PSME4: variants seen among roughly 807,000 people sequenced by gnomAD.
The protein encoded by PSME4 is proteasome activator complex subunit 4.
In PSME4, 89 loss-of-function variants were observed where a neutral mutation model predicts 253.9. That is an observed-to-expected ratio of 0.35 (90% CI 0.30 to 0.42). The LOEUF is 0.42. Among genes scored for constraint, PSME4 ranks in the 10% least tolerant of loss-of-function variants. The pLI, the probability that PSME4 is intolerant of heterozygous loss-of-function variation, is 1.00. For missense variants in PSME4, 2,014 were observed against 2,195.2 expected (o/e 0.92, Z 1.65); for synonymous variants, 851 against 759.2 (o/e 1.12, Z -1.99).
chr2:53,909,251 A>C (rs1270770233), intron 21 of PSME4, among the ~76,000 whole-genome samples: 1 of 152,162 alleles, frequency 6.6e-6, no homozygotes, highest in East Asian at 1.9e-4. Context: ...AAGCAATTAC[A>C]GCCTAGCAAT....
intron 36 of PSME4, 87 bp downstream of exon 36, chr2:53,892,721 A>G: frequency 8.4e-7 from 1 of 1,191,590 alleles, no homozygotes; most frequent in Non-Finnish European, 1.2e-6. Flanking sequence ...TATTTTAATT[A>G]TCAGTATCTA....
chr2:53,929,758 C>T (rs918542585), intron 10 of PSME4, among the ~76,000 whole-genome samples: 2 of 152,062 alleles, frequency 1.3e-5, no homozygotes, highest in African/African-American at 4.8e-5. Flanking sequence ...TGGCTCACAC[C>T]TGTAATCCCA....
chr2:53,947,487 C>T (rs1437554734), intron 3 of PSME4, among the ~76,000 whole-genome samples: 2 of 152,002 alleles, frequency 1.3e-5, no homozygotes, highest in East Asian at 1.9e-4. Flanking sequence ...AGGGGGATCA[C>T]GAGGTCAGGA....
At chr2:53,944,287 T>C (rs1669599709) in intron 3 of PSME4, among the ~76,000 whole-genome samples, 1 of 152,080 alleles carries the variant, frequency 6.6e-6, no homozygotes, top group Admixed American at 6.5e-5. Flanking sequence ...GCCTCCTGGG[T>C]AGCTGGGATT....
intron 12 of PSME4, among the ~76,000 whole-genome samples, 174 bp from the exon 13 acceptor site, chr2:53,926,197 C>T (rs1407852681): frequency 2.6e-5 from 4 of 152,170 alleles, no homozygotes; most frequent in African/African-American, 4.8e-5. Context: ...AGAACAACTT[C>T]ATCTACTACT....
chr2:53,885,988 G>A (rs974245965), intron 40 of PSME4, among the ~76,000 whole-genome samples: 5 of 152,256 alleles, frequency 3.3e-5, no homozygotes, highest in African/African-American at 1.2e-4. Context: ...TGCATAAAAA[G>A]ACATTATCCA....
intron 39 of PSME4, 140 bp from the exon 40 acceptor site, chr2:53,887,607 G>A: frequency 1.1e-6 from 1 of 917,230 alleles, no homozygotes; most frequent in East Asian, 2.6e-5. Flanking sequence ...GTGTGTAAAA[G>A]AAGCCTTATA....
chr2:53,928,051 T>TG lies in PSME4; in HGVS notation c.1503+65_1503+66insC, dbSNP rs542588715. 1.7e-3 allele frequency: 2,148 copies of TG among 1,297,728 alleles called. 55 individuals are homozygous for TG. The East Asian group carries it at 0.044, about 26-fold the overall frequency. The allele number at this position is 1,297,728 out of a possible 1,614,324, so 80.4% of individuals were successfully genotyped here. ...CTTATGCACAAACTTCTCCAACCTT[T>TG]TGTCACTGAGAAGTTTACTTTGCCT... On this transcript the variant is annotated intron_variant, in intron 11 of 46. Transcript: ENST00000404125.
At chr2:53,946,575 C>T (rs1669714998) in intron 3 of PSME4, among the ~76,000 whole-genome samples, 1 of 152,180 alleles carries the variant, frequency 6.6e-6, no homozygotes, top group South Asian at 2.1e-4. Context: ...ACAATCAAAG[C>T]TTTTGTATTC....
At chr2:53,954,270 G>C (rs991576898) in intron 1 of PSME4, among the ~76,000 whole-genome samples, 1 of 151,718 alleles carries the variant, frequency 6.6e-6, no homozygotes, top group Non-Finnish European at 1.5e-5. Context: ...AGAGGTTGCA[G>C]TGAGCCAAGA....
Position 53,871,962 on chromosome 2 carries a change from C to G in PSME4, c.5100+2377G>C, listed in dbSNP as rs577636577. Among the ~76,000 whole-genome samples, 3 of 152,122 alleles carry G rather than the reference C, an allele frequency of 2.0e-5. No individual in the cohort carries two copies. In the South Asian group the frequency reaches 6.2e-4, roughly 31 times the overall value. On this transcript the variant is annotated intron_variant, in intron 43 of 46. Coordinates refer to ENST00000404125, the MANE Select transcript of PSME4 (RefSeq NM_014614.3). ...CCAGGGGGCAGAGGTTGCAGTGAGC[C>G]GAGATCGCACCACTGCACTCCCGCC...
At chr2:53,917,787 G>A (rs529165839) in intron 20 of PSME4, among the ~76,000 whole-genome samples, 27 of 152,232 alleles carry the variant, frequency 1.8e-4, no homozygotes, top group African/African-American at 6.0e-4. Context: ...GGTGAAAATC[G>A]AAACAATTTT....
chr2:53,919,344 G>A, intron 19 of PSME4, 98 bp from the exon 20 acceptor site: 1 of 1,389,678 alleles, frequency 7.2e-7, no homozygotes, highest in South Asian at 1.7e-5. Flanking sequence ...GGATATAAAT[G>A]ATTAAGGTAA....
intron 26 of PSME4, among the ~76,000 whole-genome samples, chr2:53,906,043 T>C (rs1680643393): frequency 2.6e-5 from 4 of 152,192 alleles, no homozygotes; most frequent in Admixed American, 2.0e-4. Flanking sequence ...GCTTAACCTG[T>C]AGTTAATTTA....
chr2:53,906,977 G>C (rs746159758), intron 24 of PSME4, 109 bp from the exon 25 acceptor site: 17 of 856,562 alleles, frequency 2.0e-5, no homozygotes, highest in Non-Finnish European at 3.1e-5. Context: ...TGGTTGACTG[G>C]TGAGTGGTGG....
At position 53,898,358 on chromosome 2, in the gene PSME4, T is replaced by A. The variant is rs805417; in HGVS notation, c.3423-4A>T. 3.5e-5 allele frequency: 55 copies of A among 1,578,996 alleles called. No homozygotes were observed. Among genetic ancestry groups the A allele is most frequent in the Admixed American group, 8.8e-5 (5 of 57,004 alleles). On this transcript the variant is annotated splice_region_variant and splice_polypyrimidine_tract_variant and intron_variant, in intron 29 of 46. Coordinates refer to ENST00000404125, the MANE Select transcript of PSME4 (RefSeq NM_014614.3). ...GTCTACCAAATTTTCATAGTTCCTT[T>A]AAAAAAAAGGTGAGGTATTATTTTA...
chr2:53,949,061 T>G (rs1020272968), intron 2 of PSME4, 82 bp downstream of exon 2: 1 of 1,421,304 alleles, frequency 7.0e-7, no homozygotes, highest in African/African-American at 1.5e-5. Flanking sequence ...TTGGTCTTCT[T>G]ACCAAAAACA....
intron 1 of PSME4, among the ~76,000 whole-genome samples, chr2:53,960,724 C>T (rs533001624): frequency 7.9e-5 from 12 of 152,188 alleles, no homozygotes; most frequent in South Asian, 4.1e-4. Flanking sequence ...ATGAAAGATG[C>T]TATAACTTAA....
At chr2:53,912,386 T>C (rs1378268670) in intron 20 of PSME4, among the ~76,000 whole-genome samples, 6 of 152,322 alleles carry the variant, frequency 3.9e-5, no homozygotes, top group African/African-American at 1.2e-4. Flanking sequence ...CATAATTTGA[T>C]CTCTTCTTGC....
Sources: allele counts gnomAD v4.1 joint callset (sites outside exome capture counted in the v4.1 genomes callset), GRCh38; gene constraint gnomAD v4.1.1; transcripts MANE v1.5; gene names NCBI Gene and HGNC (gene_info 2026-07-23, HGNC 2026-07-21).